TRANK1: variants seen among roughly 807,000 people sequenced by gnomAD.
The protein encoded by TRANK1 is TPR and ankyrin repeat-containing protein 1.
TRANK1 carries 198 observed loss-of-function variants against 266.0 expected under a neutral mutation model. That is an observed-to-expected ratio of 0.74 (90% CI 0.66 to 0.84). TRANK1 has a LOEUF of 0.84. Among genes scored for constraint, TRANK1 ranks in the 40% least tolerant of loss-of-function variants. The pLI is 0.00. For synonymous variants in TRANK1, 1,396 were observed against 1,384.1 expected, an observed-to-expected ratio of 1.01 and a Z score of -0.19; for missense variants, 3,326 against 3,634.6, an observed-to-expected ratio of 0.92 and a Z score of 2.18.
intron 10 of TRANK1, among the ~76,000 whole-genome samples, chr3:36,863,823 A>G (rs1178891173): frequency 3.3e-5 from 5 of 152,210 alleles, no homozygotes; most frequent in Non-Finnish European, 4.4e-5. Context: ...CACTCTTTGT[A>G]AAATGGAGAC....
rs2125503272 is a variant in TRANK1 at position 36,831,318 on chromosome 3, C to T, written c.8265G>A (p.Arg2755=). The change falls in exon 22 of 24, where the codon AGG becomes AGA. Residue 2755 remains arginine (R), a synonymous_variant. Transcript: ENST00000645898. This position sits in a 1 kb window ranked among gnomAD's most constrained non-coding sequence, Gnocchi z 5.0. ...CGTCTGCCTTTTTGAAGTTCCCAGCCCTGGGCTCCCTGGCCTCCTCCCTGA... is the reference window on the plus strand; with the variant it reads ...CGTCTGCCTTTTTGAAGTTCCCAGCTCTGGGCTCCCTGGCCTCCTCCCTGA... ...ERVREEAREP[R]AGNFKKADVD... is the part of the protein sequence containing the mutation. The T allele has an allele frequency of 6.2e-7, 1 of 1,613,592 alleles. No homozygotes were observed. Among genetic ancestry groups the T allele is most frequent in the East Asian group, 2.2e-5 (1 of 44,872 alleles).
In TRANK1 at chr3:36,857,029, C is replaced by T. The variant is rs778054350; in HGVS notation, c.2693G>A (p.Arg898Gln). Residue 898 changes from arginine (R) to glutamine (Q), a missense_variant, in exon 13 of 24, where the codon CGG (arginine) becomes CAG (glutamine). Physicochemically the swap from Arg to Gln is conservative, Grantham distance 43 (BLOSUM62 1). Transcript: ENST00000645898. This position sits in a 1 kb window ranked among gnomAD's most constrained non-coding sequence, Gnocchi z 4.3. ...GTCAATGGCGAGCTCCCAGAGCATC[C>T]GGGCTCCTTTGTCCAGCTTAGCTTC... ...LFEAKLDKGARMLWELAIDFS... is the reference protein window; with the variant it reads ...LFEAKLDKGAQMLWELAIDFS... 1.9e-5 allele frequency: 31 copies of T among 1,613,846 alleles called. No individual in the cohort carries two copies. The highest frequency in any genetic ancestry group is 5.5e-5 in the South Asian group (5 of 91,086).
chr3:36,857,275 T>C lies in TRANK1; in HGVS notation c.2447A>G (p.Asp816Gly). The change falls in exon 13 of 24, where the codon GAC (aspartate) becomes GGC (glycine). Residue 816 changes from aspartate (D) to glycine (G), a missense_variant. Transcript: ENST00000645898. This position sits in a 1 kb window ranked among gnomAD's most constrained non-coding sequence, Gnocchi z 4.3. ...GGCCTCAATCTCCTGCGTGCTCCAGTCATCCTGATCATCATTGCCCTCCTT... is the reference window on the plus strand; with the variant it reads ...GGCCTCAATCTCCTGCGTGCTCCAGCCATCCTGATCATCATTGCCCTCCTT... Reference protein sequence around the residue: ...RGKEGNDDQDDWSTQEIEACL... With the variant: ...RGKEGNDDQDGWSTQEIEACL... 2 of 1,610,508 alleles carry C rather than the reference T, an allele frequency of 1.2e-6. No homozygotes were observed. Among genetic ancestry groups the C allele is most frequent in the Non-Finnish European group, 1.7e-6 (2 of 1,178,168 alleles).
intron 18 of TRANK1, among the ~76,000 whole-genome samples, chr3:36,841,697 CT>C (rs2078846655): frequency 6.6e-6 from 1 of 152,152 alleles, no homozygotes; most frequent in Admixed American, 6.5e-5. Flanking sequence ...AAGAAAGTGC[CT>C]GCACTTCATT....
In TRANK1 at chr3:36,832,520, C is replaced by T; in HGVS notation, c.7063G>A (p.Glu2355Lys). 1 of 1,613,948 alleles carries T rather than the reference C, an allele frequency of 6.2e-7. No individual in the cohort carries two copies. Among genetic ancestry groups the T allele is most frequent in the African/African-American group, 1.3e-5 (1 of 75,002 alleles). ...TTGAGTTCCCTGTTGTAGTTGTCCT[C>T]CTCCTGGTGGAGCAGCTTTTCAAAC... ...EEFEKLLHQE[E>K]DNYNRELKAL... The change falls in exon 22 of 24, where the codon GAG becomes AAG. Residue 2355 changes from glutamate (E) to lysine (K), a missense_variant. By Grantham distance (56) the Glu-to-Lys change is moderately conservative. Transcript: ENST00000645898.
In TRANK1 at chr3:36,832,164, A is replaced by G. The variant is rs963844115; in HGVS notation, c.7419T>C (p.Asn2473=). ...AGCTCTTGGGGAGGCATAGAATGAC[A>G]TTCTTCCAGAGGCGGGCCAGCACCA... is the stretch of plus-strand genomic sequence containing the variant. ...CGVVLARLWK[N]VILCLPKSYI... Residue 2473 remains asparagine, a synonymous_variant, in exon 22 of 24, where the codon AAT becomes AAC. Transcript: ENST00000645898. 3 of 1,613,834 alleles carry G rather than the reference A, an allele frequency of 1.9e-6. No homozygotes were observed. The highest frequency in any genetic ancestry group is 2.7e-5 in the African/African-American group (2 of 74,898).
At chr3:36,909,137 G>C (rs1262659477) in intron 1 of TRANK1, among the ~76,000 whole-genome samples, 1 of 152,184 alleles carries the variant, frequency 6.6e-6, no homozygotes, top group East Asian at 1.9e-4. Context: ...ATTTGTCCCT[G>C]AGACAGCCAT....
In TRANK1 at chr3:36,889,943, G is replaced by A. The variant is rs759882224; in HGVS notation, c.793C>T (p.Arg265Trp). ...CIQARENHLF[R>W]WLMDHKPEWK... ...TCGGGCTTGTGATCCATTAACCACC[G>A]GAAAAGATGGTTTTCTCCTGAAGGG... is the stretch of plus-strand genomic sequence containing the variant. The change falls in exon 8 of 24, where the codon CGG (arginine) becomes TGG (tryptophan). Residue 265 changes from arginine (R) to tryptophan (W), a missense_variant. By Grantham distance (101) the Arg-to-Trp change is moderately radical. Transcript: ENST00000645898. The A allele has an allele frequency of 7.2e-5, 110 of 1,536,868 alleles. 1 individual carries two copies. Among genetic ancestry groups the A allele is most frequent in the South Asian group, 7.1e-5 (6 of 84,034 alleles).
At chr3:36,880,479 G>T in intron 8 of TRANK1, 1 of 177,810 alleles carries the variant, frequency 5.6e-6, no homozygotes. Flanking sequence ...ACTTAATTTG[G>T]GAATTAATAA....
At chr3:36,873,163 G>T (rs1037157485) in intron 9 of TRANK1, among the ~76,000 whole-genome samples, 1 of 152,178 alleles carries the variant, frequency 6.6e-6, no homozygotes, top group East Asian at 1.9e-4. Context: ...AGGCAGGGGG[G>T]AGTGTAACTT....
intron 20 of TRANK1, among the ~76,000 whole-genome samples, chr3:36,837,240 T>C (rs1378899536): frequency 1.2e-4 from 19 of 152,226 alleles, no homozygotes; most frequent in Non-Finnish European, 4.4e-5. Context: ...CCTTGCCTGC[T>C]TCTTGCCTCT....
chr3:36,855,948 G>A lies in TRANK1; in HGVS notation c.3774C>T (p.Pro1258=). The A allele has an allele frequency of 6.2e-7, 1 of 1,613,296 alleles. No individual in the cohort carries two copies. The change falls in exon 13 of 24, where the codon CCC becomes CCT. Residue 1258 remains proline, a synonymous_variant. Transcript: ENST00000645898. ...CTTCGTTTCTCAGAAAAAATGGTTTGGGCAGAGAAGCATCAAGCAGAAGAA... is the reference window on the plus strand; with the variant it reads ...CTTCGTTTCTCAGAAAAAATGGTTTAGGCAGAGAAGCATCAAGCAGAAGAA... ...QLLLLLDASL[P]KPFFLRNEDG...
intron 7 of TRANK1, 124 bp downstream of exon 7, chr3:36,892,078 T>C: frequency 3.4e-6 from 4 of 1,160,466 alleles, no homozygotes; most frequent in Non-Finnish European, 3.5e-6. Flanking sequence ...AATAATCAGA[T>C]CATTTGAATA....
At chr3:36,835,093 G>C (rs1041852196) in intron 20 of TRANK1, among the ~76,000 whole-genome samples, 186 bp from the exon 21 acceptor site, 61 of 151,976 alleles carry the variant, frequency 4.0e-4, no homozygotes, top group Non-Finnish European at 7.1e-4. Flanking sequence ...GCCGAGGCGG[G>C]CGGATCACGA....
At chr3:36,869,031 A>G (rs1207278055) in intron 9 of TRANK1, among the ~76,000 whole-genome samples, 1 of 152,250 alleles carries the variant, frequency 6.6e-6, no homozygotes, top group Non-Finnish European at 1.5e-5. Flanking sequence ...TCAGGTAGAG[A>G]AAGTGGACAT....
chr3:36,864,614 G>A (rs2079188285), intron 9 of TRANK1, 134 bp from the exon 10 acceptor site: 1 of 775,532 alleles, frequency 1.3e-6, no homozygotes, highest in Non-Finnish European at 1.9e-6. Flanking sequence ...CTCTCATCAA[G>A]AAGTGGAGCC....
intron 9 of TRANK1, among the ~76,000 whole-genome samples, chr3:36,866,112 G>GAAAGAAAGAAAGAA (rs1375454005): frequency 6.7e-6 from 1 of 149,924 alleles, no homozygotes; most frequent in Non-Finnish European, 1.5e-5. Context: ...AAGAAAGAAA[G>GAAAGAAAGAAAGAA]AAAGAGTCAC....
chr3:36,893,038 T>C, intron 5 of TRANK1, 54 bp from the exon 6 acceptor site: 2 of 1,078,056 alleles, frequency 1.9e-6, no homozygotes, highest in South Asian at 2.0e-5. Flanking sequence ...ACATAGGTTA[T>C]TAAAGCAAAA....
Position 36,850,803 on chromosome 3 carries a change from T to A in TRANK1, c.4887+916A>T, listed in dbSNP as rs546998761. The A allele has an allele frequency of 1.3e-5, 13 of 985,380 alleles. No homozygotes were observed. The African/African-American group carries it at 2.3e-4, about 17-fold the overall frequency. The allele number at this position is 985,380 out of a possible 1,614,324, so 61.0% of individuals were successfully genotyped here. ...TAAGAAAAAAAGGAAGGACTCTATC[T>A]AAAGGGTCAGTTCTGGGGCAGATTT... is the stretch of plus-strand genomic sequence containing the variant. On this transcript the variant is annotated intron_variant, in intron 15 of 23. Coordinates refer to ENST00000645898, the MANE Select transcript of TRANK1 (RefSeq NM_001329998.2).
Sources: allele counts gnomAD v4.1 joint callset (sites outside exome capture counted in the v4.1 genomes callset), GRCh38; gene constraint gnomAD v4.1.1; non-coding constraint Gnocchi (gnomAD v3.1); transcripts MANE v1.5; gene names NCBI Gene and HGNC (gene_info 2026-07-23, HGNC 2026-07-21).